The following KIT variants were observed in gnomAD, a reference collection of about 807,000 sequenced individuals.
KIT encodes the protein KIT proto-oncogene, receptor tyrosine kinase, also known as mast/stem cell growth factor receptor Kit.
In KIT, 16 loss-of-function variants were observed where a neutral mutation model predicts 105.7. That is an observed-to-expected ratio of 0.15 (90% CI 0.10 to 0.23). The LOEUF (loss-of-function observed/expected upper bound fraction) is 0.23, where lower values mean the gene tolerates loss of function less well. KIT is among the 10% of genes least tolerant of loss of function. KIT has a pLI of 1.00. For missense variants in KIT, 858 were observed against 1,213.8 expected, an observed-to-expected ratio of 0.71 and a Z score of 4.36; for synonymous variants, 438 against 441.1, an observed-to-expected ratio of 0.99 and a Z score of 0.09.
At chr4:54,731,720 A>G in intron 15 of KIT, 151 bp from the exon 16 acceptor site, 4 of 808,602 alleles carry the variant, frequency 4.9e-6, no homozygotes, top group Non-Finnish European at 6.3e-6. Context: ...GTGATTCAGC[A>G]TCTACCTTTC....
chr4:54,692,779 T>A (rs1275742330), intron 1 of KIT, among the ~76,000 whole-genome samples: 1 of 152,228 alleles, frequency 6.6e-6, no homozygotes, highest in African/African-American at 2.4e-5. Context: ...GGACTCAACG[T>A]CTCACTCTGT....
intron 4 of KIT, among the ~76,000 whole-genome samples, chr4:54,701,722 A>T (rs3134885): frequency 6.6e-6 from 1 of 152,010 alleles, no homozygotes; most frequent in Non-Finnish European, 1.5e-5. Flanking sequence ...TGAAAGAACT[A>T]GAAGGAAGAT....
At chr4:54,716,517 A>AT (rs913702311) in intron 7 of KIT, among the ~76,000 whole-genome samples, 5 of 151,612 alleles carry the variant, frequency 3.3e-5, no homozygotes, top group African/African-American at 4.8e-5. Context: ...CAGACCATTA[A>AT]TTTTTTTTTA....
chr4:54,725,963 C>G lies in KIT; in HGVS notation c.1453C>G (p.His485Asp), dbSNP rs1553891437. Residue 485 changes from histidine (H) to aspartate (D), a missense_variant, in exon 9 of 21, where the codon CAC becomes GAC. His to Asp is a moderately conservative substitution (Grantham distance 81). Coordinates refer to ENST00000288135, the MANE Select transcript of KIT (RefSeq NM_000222.3). ...TTCTATAGATTCTAGTGCATTCAAG[C>G]ACAATGGCACGGTTGAATGTAAGGC... ...QSSIDSSAFK[H>D]NGTVECKAYN... 1 of 1,614,104 alleles carries G rather than the reference C, an allele frequency of 6.2e-7. No homozygotes were observed.
At chr4:54,737,523 T>C (rs1722993178) in intron 20 of KIT, among the ~76,000 whole-genome samples, 1 of 152,196 alleles carries the variant, frequency 6.6e-6, no homozygotes, top group South Asian at 2.1e-4. Flanking sequence ...TTGTACTCAC[T>C]GGAAGTAGAA....
chr4:54,662,102 G>T (rs1009302848), intron 1 of KIT, among the ~76,000 whole-genome samples: 1 of 152,076 alleles, frequency 6.6e-6, no homozygotes, highest in African/African-American at 2.4e-5. Flanking sequence ...GAAGGTCATG[G>T]CCCCTGTAGA....
intron 20 of KIT, among the ~76,000 whole-genome samples, 176 bp from the exon 21 acceptor site, chr4:54,738,253 A>G (rs1294205783): frequency 6.6e-6 from 1 of 152,188 alleles, no homozygotes; most frequent in Non-Finnish European, 1.5e-5. Flanking sequence ...GGGGGAAAAC[A>G]AAGCTTATAT....
intron 1 of KIT, among the ~76,000 whole-genome samples, chr4:54,658,712 G>A (rs1362405574): frequency 6.6e-6 from 1 of 151,840 alleles, no homozygotes; most frequent in African/African-American, 2.4e-5. Context: ...CTCCGGGTTA[G>A]GCTTTTGCGC....
rs72549300 is a variant in KIT at position 54,695,567 on chromosome 4, A to G, written c.123A>G (p.Pro41=). 1 of 1,614,226 alleles carries G rather than the reference A, an allele frequency of 6.2e-7. No individual in the cohort carries two copies. Among genetic ancestry groups the G allele is most frequent in the Non-Finnish European group, 8.5e-7 (1 of 1,180,038 alleles). Residue 41 remains proline (P), a synonymous_variant, in exon 2 of 21, where the codon CCA becomes CCG. Transcript: ENST00000288135. ...PGEPSPPSIH[P]GKSDLIVRVG... ...AACCGTCTCCACCATCCATCCATCC[A>G]GGAAAATCAGACTTAATAGTCCGCG...
Position 54,740,384 on chromosome 4 carries a change from G to A in KIT, c.*1827G>A, listed in dbSNP as rs1371363240. 4.3e-6 allele frequency: 1 copy of A among 233,460 alleles called. No homozygotes were observed. The highest frequency in any genetic ancestry group is 8.5e-6 in the Non-Finnish European group (1 of 117,930). 14.5% of individuals were successfully genotyped at this position (233,460 alleles called of 1,614,324 possible). ...TTATAGATGTCTAGGTACTTCAGGG[G>A]CACTTCATTGAGAGTTTTGTCTTGG... is the stretch of plus-strand genomic sequence containing the variant. On this transcript the variant is annotated 3_prime_UTR_variant, in exon 21 of 21. Coordinates refer to ENST00000288135, the MANE Select transcript of KIT (RefSeq NM_000222.3).
intron 1 of KIT, among the ~76,000 whole-genome samples, chr4:54,662,719 C>T (rs577350900): frequency 1.3e-5 from 2 of 152,124 alleles, no homozygotes; most frequent in South Asian, 4.2e-4. Flanking sequence ...ATTACAGGCA[C>T]CCGCCACCAT....
rs947412032 is a variant in KIT, at chr4:54,683,278, C to T, written c.68-12234C>T. Reference sequence around the variant, plus strand: ...TTGCCTAATGATTTAGAATCCAGAACTGCTATGTCTCTACCAGTATATATT... The same window carrying T: ...TTGCCTAATGATTTAGAATCCAGAATTGCTATGTCTCTACCAGTATATATT... On this transcript the variant is annotated intron_variant, in intron 1 of 20. Coordinates refer to ENST00000288135, the MANE Select transcript of KIT (RefSeq NM_000222.3). Among the ~76,000 whole-genome samples, 5 of 152,218 alleles carry T rather than the reference C, an allele frequency of 3.3e-5. No homozygotes were observed. In the East Asian group the frequency reaches 9.6e-4, roughly 29 times the overall value.
At chr4:54,703,939 AAGAAATTATTAGACAGT>A (rs1330955697) in intron 5 of KIT, 47 bp downstream of exon 5, 2 of 1,411,870 alleles carry the variant, frequency 1.4e-6, no homozygotes, top group South Asian at 2.3e-5. Context: ...GTAGTGAAAG[AAGAAATTATTAGACAGT>A]TTCTTTTTTA....
rs144299799 is a variant in KIT, at chr4:54,724,188, C to G, written c.1346+490C>G. Among the ~76,000 whole-genome samples the G allele has an allele frequency of 3.1e-3, 469 of 152,304 alleles. 2 individuals are homozygous for G. The highest frequency in any genetic ancestry group is 0.011 in the African/African-American group (448 of 41,578). On this transcript the variant is annotated intron_variant, in intron 8 of 20. Transcript: ENST00000288135. ...CTTGATAATGTGCCCAGCCCCTGAA[C>G]AGAGAACATCTGGCACTGTGCTGCT...
chr4:54,714,905 T>C (rs1016822858), intron 7 of KIT, among the ~76,000 whole-genome samples: 1 of 152,196 alleles, frequency 6.6e-6, no homozygotes, highest in Non-Finnish European at 1.5e-5. Flanking sequence ...TTACATAGGA[T>C]GCCTTTAATG....
At chr4:54,694,390 C>T (rs2537871) in intron 1 of KIT, among the ~76,000 whole-genome samples, 8,578 of 152,222 alleles carry the variant, frequency 0.056, 798 homozygotes, top group African/African-American at 0.19. Context: ...CTTACTCTGT[C>T]ACTCAGGCTG....
intron 1 of KIT, among the ~76,000 whole-genome samples, chr4:54,687,496 G>A (rs2855776): frequency 0.038 from 5,798 of 152,104 alleles, 385 homozygotes; most frequent in African/African-American, 0.13. Context: ...AAAAAGCATT[G>A]CTCTGTAGGG....
chr4:54,687,329 T>C (rs1206740240), intron 1 of KIT, among the ~76,000 whole-genome samples: 1 of 151,988 alleles, frequency 6.6e-6, no homozygotes, highest in Admixed American at 6.6e-5. Flanking sequence ...TCCCAGCTAC[T>C]TGAGAGGCTG....
At chr4:54,687,985 C>T (rs952153557) in intron 1 of KIT, among the ~76,000 whole-genome samples, 7 of 152,128 alleles carry the variant, frequency 4.6e-5, no homozygotes, top group African/African-American at 1.7e-4. Context: ...ACTTTAATGA[C>T]GACGGTGCAT....
Sources: allele counts gnomAD v4.1 joint callset (sites outside exome capture counted in the v4.1 genomes callset), GRCh38; gene constraint gnomAD v4.1.1; transcripts MANE v1.5; gene names NCBI Gene and HGNC (gene_info 2026-07-23, HGNC 2026-07-21).